CNTNAP2: variants seen among roughly 807,000 people sequenced by gnomAD.
The protein encoded by CNTNAP2 is contactin-associated protein-like 2.
A neutral mutation model predicts 155.2 loss-of-function variants in CNTNAP2; 98 were observed. That is an observed-to-expected ratio of 0.63 (90% CI 0.54 to 0.75). The LOEUF is 0.75. CNTNAP2 is among the 30% of genes least tolerant of loss of function. The probability of loss-of-function intolerance (pLI) is 0.00; values close to 1 mark genes in which losing one functional copy is unlikely to be tolerated. For synonymous variants in CNTNAP2, 651 were observed against 631.2 expected (o/e 1.03, Z -0.47); for missense variants, 1,727 against 1,688.1 (o/e 1.02, Z -0.40).
intron 4 of CNTNAP2, among the ~76,000 whole-genome samples, chr7:147,104,753 A>T (rs996120457): frequency 6.7e-6 from 1 of 150,102 alleles, no homozygotes; most frequent in South Asian, 2.1e-4. Context: ...ATTTCCCTGT[A>T]CTATAAATAT....
chr7:147,482,032 AT>A (rs1158947632), intron 10 of CNTNAP2, among the ~76,000 whole-genome samples: 1 of 152,160 alleles, frequency 6.6e-6, no homozygotes, highest in Non-Finnish European at 1.5e-5. Context: ...ACATTCTAGC[AT>A]TGCATTCATC....
intron 9 of CNTNAP2, among the ~76,000 whole-genome samples, chr7:147,369,295 G>A (rs545025527): frequency 6.6e-6 from 1 of 152,264 alleles, no homozygotes; most frequent in East Asian, 1.9e-4. Context: ...CTTTCAAACT[G>A]ACCATGTCCA....
At chr7:146,871,925 A>G (rs922182181) in intron 3 of CNTNAP2, among the ~76,000 whole-genome samples, 1 of 152,106 alleles carries the variant, frequency 6.6e-6, no homozygotes, top group Non-Finnish European at 1.5e-5. Flanking sequence ...ACATATTGCT[A>G]TTCTCCAAAG....
At chr7:147,046,407 CAT>C (rs1447267603) in intron 4 of CNTNAP2, among the ~76,000 whole-genome samples, 1 of 152,142 alleles carries the variant, frequency 6.6e-6, no homozygotes, top group African/African-American at 2.4e-5. Context: ...AGTTACAAAT[CAT>C]ATTTCTGAGA....
At chr7:146,779,824 C>T (rs1220385147) in intron 2 of CNTNAP2, among the ~76,000 whole-genome samples, 3 of 152,154 alleles carry the variant, frequency 2.0e-5, no homozygotes, top group Non-Finnish European at 4.4e-5. Context: ...CCTCTATTTC[C>T]TTCAGCAGGG....
chr7:147,410,697 C>T (rs141158554), intron 10 of CNTNAP2, among the ~76,000 whole-genome samples: 43 of 152,210 alleles, frequency 2.8e-4, no homozygotes, highest in African/African-American at 7.5e-4. Context: ...CTAACTGAGA[C>T]GTGATGTTAG....
At chr7:147,131,723 T>C (rs1801376629) in intron 7 of CNTNAP2, among the ~76,000 whole-genome samples, 1 of 152,076 alleles carries the variant, frequency 6.6e-6, no homozygotes, top group African/African-American at 2.4e-5. Context: ...ATATACAAGG[T>C]ATATAGATAA....
chr7:146,151,694 A>G (rs373054927), intron 1 of CNTNAP2, among the ~76,000 whole-genome samples: 9 of 41,266 alleles, frequency 2.2e-4, no homozygotes, highest in East Asian at 6.1e-4. Context: ...ATATATATAT[A>G]TATGTATATA....
chr7:146,630,415 G>A (rs1188865051), intron 1 of CNTNAP2, among the ~76,000 whole-genome samples: 1 of 148,718 alleles, frequency 6.7e-6, no homozygotes, highest in South Asian at 2.2e-4. Flanking sequence ...CCAAGTCTTT[G>A]CTATTGCAAA....
chr7:146,391,583 A>G (rs1342075234), intron 1 of CNTNAP2, among the ~76,000 whole-genome samples: 1 of 152,220 alleles, frequency 6.6e-6, no homozygotes, highest in African/African-American at 2.4e-5. Context: ...GATCTTATAC[A>G]TTAAGCATAA....
chr7:147,682,393 G>A (rs1362194874), intron 13 of CNTNAP2, among the ~76,000 whole-genome samples: 1 of 151,906 alleles, frequency 6.6e-6, no homozygotes, highest in Non-Finnish European at 1.5e-5. Context: ...AGATTGATGA[G>A]CCAATCTAAT....
chr7:146,736,188 C>T (rs967645627), intron 1 of CNTNAP2, among the ~76,000 whole-genome samples: 2 of 151,926 alleles, frequency 1.3e-5, no homozygotes, highest in Non-Finnish European at 2.9e-5. Flanking sequence ...TATGCAAACA[C>T]TGGGCCGTTT....
chr7:146,117,091 TCCGCTGTCACACA>T (rs1797495277), intron 1 of CNTNAP2, 118 bp downstream of exon 1: 2 of 854,240 alleles, frequency 2.3e-6, no homozygotes. Flanking sequence ...TGTTTGTGTC[TCCGCTGTCACACA>T]CTTGCAGCCA....
intron 2 of CNTNAP2, among the ~76,000 whole-genome samples, chr7:146,837,184 C>T (rs1803634106): frequency 6.6e-6 from 1 of 151,968 alleles, no homozygotes; most frequent in Non-Finnish European, 1.5e-5. Flanking sequence ...TGTAGTACTC[C>T]ACTTGCATGA....
At chr7:147,574,265 C>A (rs918055975) in intron 12 of CNTNAP2, among the ~76,000 whole-genome samples, 1 of 151,942 alleles carries the variant, frequency 6.6e-6, no homozygotes, top group Non-Finnish European at 1.5e-5. Flanking sequence ...TTAGTTTTCT[C>A]CAAGTTACTT....
At chr7:147,629,429 A>C (rs1795045321) in intron 12 of CNTNAP2, among the ~76,000 whole-genome samples, 1 of 147,238 alleles carries the variant, frequency 6.8e-6, no homozygotes, top group African/African-American at 2.5e-5. Context: ...AATAATAATA[A>C]TAATAATAAT....
intron 1 of CNTNAP2, among the ~76,000 whole-genome samples, chr7:146,632,917 CTA>C (rs1446671479): frequency 6.8e-6 from 1 of 148,104 alleles, no homozygotes; most frequent in Non-Finnish European, 1.5e-5. Flanking sequence ...GCTTGAAAGA[CTA>C]TACACAAAAG....
At chr7:147,472,591 G>C (rs1009597415) in intron 10 of CNTNAP2, among the ~76,000 whole-genome samples, 3 of 152,156 alleles carry the variant, frequency 2.0e-5, no homozygotes, top group South Asian at 4.1e-4. Flanking sequence ...AGCAAGGCAA[G>C]ATTTGGAAGG....
chr7:146,522,566 T>A (rs573843327), intron 1 of CNTNAP2, among the ~76,000 whole-genome samples: 1 of 151,910 alleles, frequency 6.6e-6, no homozygotes, highest in South Asian at 2.1e-4. Flanking sequence ...AATGAAAAAA[T>A]ATATATAGAA....
Sources: allele counts gnomAD v4.1 joint callset (sites outside exome capture counted in the v4.1 genomes callset), GRCh38; gene constraint gnomAD v4.1.1; transcripts MANE v1.5; gene names NCBI Gene and HGNC (gene_info 2026-07-23, HGNC 2026-07-21).